Variants in KCNN3 observed in about 807,000 individuals in gnomAD.
The protein encoded by KCNN3 is small conductance calcium-activated potassium channel protein 3.
Under a neutral mutation model 62.9 loss-of-function variants are expected in KCNN3, and 16 were observed. The ratio of observed to expected loss-of-function variants is 0.25; its 90% CI spans 0.17 to 0.39. The LOEUF is 0.39. KCNN3 is among the 10% of genes least tolerant of loss of function. The pLI is 1.00. For missense variants in KCNN3, 599 were observed against 949.4 expected, an observed-to-expected ratio of 0.63 and a Z score of 4.85; for synonymous variants, 370 against 389.2, an observed-to-expected ratio of 0.95 and a Z score of 0.58.
intron 2 of KCNN3, among the ~76,000 whole-genome samples, chr1:154,819,157 A>C (rs1650789527): frequency 6.6e-6 from 1 of 152,146 alleles, no homozygotes; most frequent in African/African-American, 2.4e-5. Context: ...CCTCTGCATA[A>C]CTTCATCAGT....
In KCNN3 at chr1:154,772,274, C is replaced by T; in HGVS notation, c.1149G>A (p.Lys383=). The change falls in exon 3 of 8, where the codon AAG becomes AAA. Residue 383 remains lysine, a synonymous_variant. Coordinates refer to ENST00000271915, the MANE Select transcript of KCNN3 (RefSeq NM_002249.6). This position sits in a 1 kb window ranked among gnomAD's most constrained non-coding sequence, Gnocchi z 5.6. ...AGGCCAGGCGTGCCGTCCAGAAGAA[C>T]TTGTACTCGCCAGGAATGGGGTGGA... The part of the protein sequence containing the change: ...CAIHPIPGEY[K]FFWTARLAFS... 2 of 1,614,246 alleles carry T rather than the reference C, an allele frequency of 1.2e-6. No homozygotes were observed. The highest frequency in any genetic ancestry group is 1.7e-6 in the Non-Finnish European group (2 of 1,180,038).
At chr1:154,816,478 G>T (rs1200962824) in intron 2 of KCNN3, among the ~76,000 whole-genome samples, 1 of 152,182 alleles carries the variant, frequency 6.6e-6, no homozygotes, top group Non-Finnish European at 1.5e-5. Flanking sequence ...CCTGCTACGT[G>T]CCCGGCATTG....
chr1:154,811,147 G>A (rs1650390694), intron 2 of KCNN3, among the ~76,000 whole-genome samples: 3 of 152,276 alleles, frequency 2.0e-5, no homozygotes, highest in South Asian at 4.1e-4. Flanking sequence ...TTCCCCAATC[G>A]AAACTTGGAA....
intron 5 of KCNN3, among the ~76,000 whole-genome samples, chr1:154,723,955 C>A (rs1571212999): frequency 6.6e-6 from 1 of 152,212 alleles, no homozygotes; most frequent in South Asian, 2.1e-4. Context: ...TCCCGGCAGG[C>A]CTTACTGTGA....
chr1:154,833,289 T>A (rs1261415442), intron 1 of KCNN3, among the ~76,000 whole-genome samples: 3 of 152,202 alleles, frequency 2.0e-5, no homozygotes, highest in Non-Finnish European at 4.4e-5. Flanking sequence ...ATGAAAATTT[T>A]TAAGACACCC....
At position 154,700,935 on chromosome 1, in the gene KCNN3, C is replaced by T. The variant is rs1699841448; in HGVS notation, c.*7041G>A. Reference sequence around the variant, plus strand: ...TTGAAAATAAGCCAATTTCCATTATCCGGTGAGTAAGTAACCTGATAAAAA... The same window carrying T: ...TTGAAAATAAGCCAATTTCCATTATTCGGTGAGTAAGTAACCTGATAAAAA... On this transcript the variant is annotated 3_prime_UTR_variant, in exon 8 of 8. Transcript: ENST00000271915. The T allele has an allele frequency of 1.3e-5, 2 of 152,098 alleles. No individual in the cohort carries two copies. The highest frequency in any genetic ancestry group is 2.9e-5 in the Non-Finnish European group (2 of 68,012). 9.4% of individuals were successfully genotyped at this position (152,098 alleles called of 1,614,324 possible).
chr1:154,714,168 G>C (rs1700146512), intron 6 of KCNN3, among the ~76,000 whole-genome samples: 2,413 of 100,718 alleles, frequency 0.024, no homozygotes, highest in Non-Finnish European at 0.027. Flanking sequence ...TGGTGTGTGT[G>C]ATGTGTGGTG....
Position 154,862,125 on chromosome 1 carries a change from G to A in KCNN3, c.933+6907C>T, listed in dbSNP as rs910258835. ...TCACTCAAATCCCCAGCAGAAGTTT[G>A]TGGTGGGGTTTGGAATAGGGAAATC... On this transcript the variant is annotated intron_variant, in intron 1 of 7. Transcript: ENST00000271915. This position sits in a 1 kb window ranked among gnomAD's most constrained non-coding sequence, Gnocchi z 4.1. Among the ~76,000 whole-genome samples the A allele has an allele frequency of 6.6e-6, 1 of 152,224 alleles. No individual in the cohort carries two copies. Among genetic ancestry groups the A allele is most frequent in the African/African-American group, 2.4e-5 (1 of 41,458 alleles).
At position 154,714,877 on chromosome 1, in the gene KCNN3, G is replaced by T; in HGVS notation, c.1828C>A (p.Gln610Lys). 6.2e-7 allele frequency: 1 copy of T among 1,613,468 alleles called. No individual in the cohort carries two copies. The highest frequency in any genetic ancestry group is 1.1e-5 in the South Asian group (1 of 91,080). The change falls in exon 6 of 8, where the codon CAG (glutamine) becomes AAG (lysine). Residue 610 changes from glutamine (Q) to lysine (K), a missense_variant and splice_region_variant. Gln to Lys is a moderately conservative substitution (Grantham distance 53). This residue lies in a region of KCNN3 where 288 missense variants were observed against 557.4 expected (regional missense o/e 0.52). Transcript: ENST00000271915. Reference protein sequence around the residue: ...HQRKFLQAIHQLRSVKMEQRK... With the variant: ...HQRKFLQAIHKLRSVKMEQRK... ...GCTGAACCGCTCTGGCATACTCACT[G>T]GTGGATAGCTTGGAGGAACTTCCTC... is the stretch of plus-strand genomic sequence containing the variant.
At chr1:154,817,883 G>A (rs1420303328) in intron 2 of KCNN3, among the ~76,000 whole-genome samples, 2 of 152,146 alleles carry the variant, frequency 1.3e-5, no homozygotes, top group Non-Finnish European at 2.9e-5. Flanking sequence ...GGTCATCAAG[G>A]GCAAAGGAGG....
chr1:154,828,149 G>C (rs1651215019), intron 1 of KCNN3, among the ~76,000 whole-genome samples: 1 of 152,086 alleles, frequency 6.6e-6, no homozygotes, highest in South Asian at 2.1e-4. Flanking sequence ...TGCATCCGAG[G>C]GCGCAGGAGT....
chr1:154,737,717 C>G (rs958866150), intron 3 of KCNN3, among the ~76,000 whole-genome samples: 1 of 151,706 alleles, frequency 6.6e-6, no homozygotes, highest in Admixed American at 6.6e-5. Flanking sequence ...GATGATAAAT[C>G]GAGGAATTCT....
intron 5 of KCNN3, among the ~76,000 whole-genome samples, chr1:154,723,842 G>T (rs1700407358): frequency 6.6e-6 from 1 of 152,196 alleles, no homozygotes; most frequent in Admixed American, 6.5e-5. Flanking sequence ...AAGTGGATTT[G>T]CATTTAGGTG....
At chr1:154,740,184 GATTT>G (rs141214117) in intron 3 of KCNN3, among the ~76,000 whole-genome samples, 1,956 of 152,304 alleles carry the variant, frequency 0.013, 42 homozygotes, top group African/African-American at 0.045. Context: ...AATATGGCAT[GATTT>G]ATTTATTCAT....
intron 3 of KCNN3, among the ~76,000 whole-genome samples, chr1:154,746,781 G>T (rs147865077): frequency 1.1e-3 from 168 of 152,254 alleles, no homozygotes; most frequent in African/African-American, 3.8e-3. Context: ...ATCAGTCTTT[G>T]TTTGCTTCAG....
chr1:154,827,954 G>A (rs1651205606), intron 1 of KCNN3, among the ~76,000 whole-genome samples: 1 of 152,128 alleles, frequency 6.6e-6, no homozygotes, highest in Admixed American at 6.6e-5. Flanking sequence ...ACAGAATGAA[G>A]TCACTCAGAC....
chr1:154,825,239 A>G (rs1376985439), intron 1 of KCNN3, among the ~76,000 whole-genome samples: 1 of 152,168 alleles, frequency 6.6e-6, no homozygotes, highest in Non-Finnish European at 1.5e-5. Flanking sequence ...GGGCTTGTAG[A>G]ACAGAGGGAA....
At chr1:154,741,760 G>T (rs1013621500) in intron 3 of KCNN3, among the ~76,000 whole-genome samples, 2 of 151,078 alleles carry the variant, frequency 1.3e-5, no homozygotes. Context: ...ATGATATGAC[G>T]GCTCTAGCCA....
intron 3 of KCNN3, among the ~76,000 whole-genome samples, chr1:154,767,923 A>G (rs1460432325): frequency 6.6e-6 from 1 of 152,230 alleles, no homozygotes; most frequent in African/African-American, 2.4e-5. Context: ...CCAACCCAAG[A>G]TATGAGAACT....
Sources: gnomAD v4.1 joint callset for allele counts (sites outside exome capture counted in the v4.1 genomes callset) on GRCh38, gnomAD v4.1.1 for gene constraint, gnomAD v4.1.1 regional missense constraint, Gnocchi (gnomAD v3.1) non-coding constraint, MANE v1.5 for transcripts, NCBI Gene and HGNC (gene_info 2026-07-23, HGNC 2026-07-21) for gene names.